Variants in NAALADL2 observed in about 807,000 individuals in gnomAD.
NAALADL2 encodes N-acetylated alpha-linked acidic dipeptidase like 2, also known as inactive N-acetylated-alpha-linked acidic dipeptidase-like protein 2.
Under a neutral mutation model 87.2 loss-of-function variants are expected in NAALADL2, and 76 were observed. That is an observed-to-expected ratio of 0.87 (90% CI 0.72 to 1.05). The LOEUF (loss-of-function observed/expected upper bound fraction) is 1.05, where lower values mean the gene tolerates loss of function less well. NAALADL2 is among the 50% of genes least tolerant of loss of function. The pLI, the probability that NAALADL2 is intolerant of heterozygous loss-of-function variation, is 0.00. For missense variants in NAALADL2, 1,089 were observed against 945.8 expected, an observed-to-expected ratio of 1.15 and a Z score of -1.99; for synonymous variants, 354 against 331.0, an observed-to-expected ratio of 1.07 and a Z score of -0.75.
intron 2 of NAALADL2, among the ~76,000 whole-genome samples, chr3:174,684,657 A>G (rs1215421083): frequency 1.3e-5 from 2 of 152,146 alleles, no homozygotes; most frequent in Admixed American, 6.6e-5. Flanking sequence ...GTGACAGTTC[A>G]TGGAAGAGCA....
At chr3:175,288,218 A>G (rs555276884) in intron 4 of NAALADL2, among the ~76,000 whole-genome samples, 1 of 152,138 alleles carries the variant, frequency 6.6e-6, no homozygotes, top group East Asian at 1.9e-4. Context: ...TTGATGTCCC[A>G]GTTTAAAAGT....
intron 4 of NAALADL2, among the ~76,000 whole-genome samples, chr3:175,280,004 G>T (rs893724747): frequency 6.7e-6 from 1 of 150,182 alleles, no homozygotes; most frequent in East Asian, 2.0e-4. Flanking sequence ...AAATAAACTG[G>T]AAAGTTGTCT....
At chr3:174,632,278 A>G (rs1023143500) in intron 2 of NAALADL2, among the ~76,000 whole-genome samples, 2 of 152,202 alleles carry the variant, frequency 1.3e-5, no homozygotes, top group Admixed American at 6.5e-5. Context: ...ATTTTTGGGT[A>G]CTGACTATTG....
intron 1 of NAALADL2, among the ~76,000 whole-genome samples, chr3:174,517,672 C>A (rs759806106): frequency 6.6e-6 from 1 of 151,876 alleles, no homozygotes; most frequent in South Asian, 2.1e-4. Flanking sequence ...TGTTATGAGA[C>A]CAAAGTGACA....
chr3:175,608,711 A>G (rs570754166), intron 10 of NAALADL2, among the ~76,000 whole-genome samples: 1 of 152,268 alleles, frequency 6.6e-6, no homozygotes, highest in East Asian at 1.9e-4. Flanking sequence ...GTTGTATAAT[A>G]GGTTAAATTC....
At chr3:174,834,755 G>C (rs911992682) in intron 3 of NAALADL2, among the ~76,000 whole-genome samples, 1 of 151,678 alleles carries the variant, frequency 6.6e-6, no homozygotes, top group African/African-American at 2.4e-5. Context: ...ATGACTCATA[G>C]AAATTTATAA....
intron 11 of NAALADL2, among the ~76,000 whole-genome samples, chr3:175,686,747 A>T (rs1252355355): frequency 1.3e-5 from 2 of 152,178 alleles, no homozygotes; most frequent in Non-Finnish European, 2.9e-5. Flanking sequence ...GCTCCATGAA[A>T]GTATTAAATA....
intron 13 of NAALADL2, among the ~76,000 whole-genome samples, chr3:175,760,150 C>CT (rs2150146000): frequency 6.6e-6 from 1 of 152,228 alleles, no homozygotes; most frequent in Non-Finnish European, 1.5e-5. Context: ...GATTGTGTGG[C>CT]TCTAAGAGTC....
intron 6 of NAALADL2, among the ~76,000 whole-genome samples, chr3:175,462,022 G>T (rs189950393): frequency 2.8e-4 from 43 of 152,220 alleles, no homozygotes; most frequent in Non-Finnish European, 8.8e-5. Flanking sequence ...ATACTATCAT[G>T]ATGGATATAC....
intron 10 of NAALADL2, among the ~76,000 whole-genome samples, chr3:175,582,567 A>G (rs62284487): frequency 0.13 from 19,382 of 152,196 alleles, 1,394 homozygotes; most frequent in Middle Eastern, 0.17. Flanking sequence ...ATGTTATAAA[A>G]TTGACAACAG....
At chr3:174,619,124 T>C (rs1207219056) in intron 2 of NAALADL2, among the ~76,000 whole-genome samples, 14 of 151,952 alleles carry the variant, frequency 9.2e-5, no homozygotes, top group Admixed American at 9.2e-4. Context: ...ATTAGATTTA[T>C]GTCAGTTTTT....
chr3:175,536,609 T>C (rs928432306), intron 9 of NAALADL2, among the ~76,000 whole-genome samples: 2 of 152,096 alleles, frequency 1.3e-5, no homozygotes, highest in Non-Finnish European at 2.9e-5. Context: ...TTTTAAAAGG[T>C]ATATACCAAA....
intron 4 of NAALADL2, among the ~76,000 whole-genome samples, chr3:175,319,455 T>C (rs1209681372): frequency 6.6e-6 from 1 of 152,232 alleles, no homozygotes; most frequent in Non-Finnish European, 1.5e-5. Flanking sequence ...AATCATGCTA[T>C]ATATGCAATT....
chr3:174,879,695 C>T (rs1001534473), intron 1 of NAALADL2, among the ~76,000 whole-genome samples: 3 of 152,004 alleles, frequency 2.0e-5, no homozygotes, highest in African/African-American at 7.2e-5. Context: ...CACTACTCAT[C>T]TCCTAAACTA....
At chr3:174,726,468 A>T (rs1052789512) in intron 2 of NAALADL2, among the ~76,000 whole-genome samples, 66 of 152,118 alleles carry the variant, frequency 4.3e-4, no homozygotes, top group African/African-American at 1.5e-3. Context: ...TATAATTTTT[A>T]AAATAATGTA....
intron 1 of NAALADL2, among the ~76,000 whole-genome samples, chr3:175,050,088 A>G (rs1349597638): frequency 6.6e-6 from 1 of 152,076 alleles, no homozygotes; most frequent in African/African-American, 2.4e-5. Flanking sequence ...GTCCCAGTCT[A>G]AGTAAGCATG....
chr3:175,053,404 G>A (rs966695660), intron 1 of NAALADL2, among the ~76,000 whole-genome samples: 1 of 152,136 alleles, frequency 6.6e-6, no homozygotes, highest in Non-Finnish European at 1.5e-5. Context: ...ATCCTCCCCA[G>A]GTGGTTGGCT....
intron 5 of NAALADL2, among the ~76,000 whole-genome samples, chr3:175,371,879 G>A (rs1766549477): frequency 6.6e-6 from 1 of 151,650 alleles, no homozygotes; most frequent in South Asian, 2.1e-4. Context: ...GTAATACCTG[G>A]AAGTTCTGCA....
chr3:175,197,161 T>C (rs1038836868), intron 2 of NAALADL2, among the ~76,000 whole-genome samples: 2 of 152,006 alleles, frequency 1.3e-5, no homozygotes, highest in East Asian at 3.8e-4. Context: ...TACAAAATTA[T>C]TACAGTCATA....
Sources: allele counts gnomAD v4.1 joint callset (sites outside exome capture counted in the v4.1 genomes callset), GRCh38; gene constraint gnomAD v4.1.1; transcripts MANE v1.5; gene names NCBI Gene and HGNC (gene_info 2026-07-23, HGNC 2026-07-21).